The following TOP1MT variants were observed in gnomAD, a reference collection of about 807,000 sequenced individuals.
The protein encoded by TOP1MT is DNA topoisomerase I, mitochondrial.
Under a neutral mutation model 73.9 loss-of-function variants are expected in TOP1MT, and 80 were observed. The observed-to-expected ratio is 1.08, with a 90% confidence interval of 0.90 to 1.30. The LOEUF (loss-of-function observed/expected upper bound fraction) is 1.30, where lower values mean the gene tolerates loss of function less well. TOP1MT is among the 50% of genes most tolerant of loss of function. TOP1MT has a pLI of 0.00. For missense variants in TOP1MT, 815 were observed against 808.0 expected (o/e 1.01, Z -0.10); for synonymous variants, 338 against 326.4 (o/e 1.04, Z -0.38).
intron 7 of TOP1MT, among the ~76,000 whole-genome samples, chr8:143,323,387 A>C (rs1816589448): frequency 2.7e-5 from 3 of 112,490 alleles, no homozygotes; most frequent in Non-Finnish European, 3.6e-5. Flanking sequence ...GATGCATGCC[A>C]CACACACAGG....
At chr8:143,321,579 G>C (rs1394423486) in intron 7 of TOP1MT, among the ~76,000 whole-genome samples, 193 bp from the exon 8 acceptor site, 2,205 of 36,298 alleles carry the variant, frequency 0.061, 110 homozygotes, top group South Asian at 0.096. Flanking sequence ...ACGCCACACA[G>C]GCACGCCACA....
intron 12 of TOP1MT, among the ~76,000 whole-genome samples, chr8:143,315,179 C>T (rs1161401715): frequency 1.3e-5 from 2 of 152,178 alleles, no homozygotes; most frequent in African/African-American, 4.8e-5. Flanking sequence ...ATCAGTCAGG[C>T]TCGCCCGCAG....
intron 13 of TOP1MT, chr8:143,309,852 G>A: frequency 6.5e-7 from 1 of 1,536,180 alleles, no homozygotes; most frequent in Non-Finnish European, 8.7e-7. Flanking sequence ...CCAGGCCACT[G>A]TCAGCACCCC....
chr8:143,353,963 CAAAAAA>C (rs1186472770), intron 1 of TOP1MT, among the ~76,000 whole-genome samples: 1,267 of 47,608 alleles, frequency 0.027, 38 homozygotes, highest in African/African-American at 0.13. Context: ...GACTCCATCC[CAAAAAA>C]AAAAAAAAAA....
intron 7 of TOP1MT, among the ~76,000 whole-genome samples, chr8:143,321,643 A>G (rs1423919713): frequency 1.5e-5 from 1 of 64,714 alleles, no homozygotes; most frequent in East Asian, 8.0e-4. Flanking sequence ...CAGGCACGCC[A>G]CACACAGGCA....
chr8:143,352,062 A>G (rs1817329311), intron 1 of TOP1MT, among the ~76,000 whole-genome samples: 1 of 152,262 alleles, frequency 6.6e-6, no homozygotes, highest in African/African-American at 2.4e-5. Flanking sequence ...AGCCTGGGCA[A>G]CAAGAGTGAA....
At chr8:143,325,915 T>C (rs549837450) in intron 4 of TOP1MT, among the ~76,000 whole-genome samples, 1 of 152,288 alleles carries the variant, frequency 6.6e-6, no homozygotes, top group East Asian at 1.9e-4. Context: ...GGGAGACGCA[T>C]GGCACAGAAC....
chr8:143,317,919 C>T (rs2272634), intron 9 of TOP1MT, 82 bp from the exon 10 acceptor site: 713,718 of 1,587,706 alleles, frequency 0.45, 171,066 homozygotes, highest in East Asian at 0.7. Context: ...GACATGTCAG[C>T]CGTTGGGTCA....
At chr8:143,351,920 T>C (rs1202359835) in intron 1 of TOP1MT, among the ~76,000 whole-genome samples, 1 of 152,082 alleles carries the variant, frequency 6.6e-6, no homozygotes, top group Non-Finnish European at 1.5e-5. Flanking sequence ...CCCCTCTCTA[T>C]TAAAAATACA....
At chr8:143,338,357 C>T (rs544674204), upstream of TOP1MT, among the ~76,000 whole-genome samples, 1 of 152,114 alleles carries the variant, frequency 6.6e-6, no homozygotes, top group South Asian at 2.1e-4. Flanking sequence ...CACCTGAGGT[C>T]GGGAGTTCAG....
intron 4 of TOP1MT, 100 bp from the exon 5 acceptor site, chr8:143,325,633 A>G: frequency 8.9e-7 from 1 of 1,122,938 alleles, no homozygotes; most frequent in Non-Finnish European, 1.3e-6. Flanking sequence ...CTGTCTGGCT[A>G]ACTCAGCTGG....
chr8:143,330,308 G>T (rs893561062), intron 2 of TOP1MT, among the ~76,000 whole-genome samples: 1 of 152,186 alleles, frequency 6.6e-6, no homozygotes, highest in Admixed American at 6.5e-5. Context: ...TGTCCCTCCT[G>T]GCCAGGGAGG....
chr8:143,314,320 A>G (rs1015894967), intron 12 of TOP1MT, among the ~76,000 whole-genome samples: 1 of 152,176 alleles, frequency 6.6e-6, no homozygotes, highest in Non-Finnish European at 1.5e-5. Flanking sequence ...AAAGTTGGCC[A>G]GGTGCAGTGG....
chr8:143,314,518 C>A (rs113756029), intron 12 of TOP1MT, among the ~76,000 whole-genome samples: 1 of 146,174 alleles, frequency 6.8e-6, no homozygotes, highest in Non-Finnish European at 1.5e-5. Context: ...CACTTGAACC[C>A]GGGAGGCGGA....
At chr8:143,358,724 C>CCGCACGGTGCTTACTCCTG (rs1457017418), upstream of TOP1MT, 4 of 152,270 alleles carry the variant, frequency 2.6e-5, no homozygotes, top group Non-Finnish European at 5.9e-5. Context: ...GACCGTTCCA[C>CCGCACGGTGCTTACTCCTG]AGAGGTGAGC....
At chr8:143,331,415 T>C (rs1816852725) in intron 1 of TOP1MT, 76 bp from the exon 2 acceptor site, 2 of 1,275,388 alleles carry the variant, frequency 1.6e-6, no homozygotes, top group Non-Finnish European at 2.2e-6. Flanking sequence ...CCACAGTGGC[T>C]CCTCCCTGTG....
In TOP1MT at chr8:143,317,851, T is replaced by C. The variant is rs139312718; in HGVS notation, c.1216-14A>G. On this transcript the variant is annotated splice_polypyrimidine_tract_variant and intron_variant, in intron 9 of 13. Transcript: ENST00000329245. Reference sequence around the variant, plus strand: ...CAGGCTGGTCGTCTGGGGAGGAAAATGGTCTCTATAATTACGTGGTTTTGC... The same window carrying C: ...CAGGCTGGTCGTCTGGGGAGGAAAACGGTCTCTATAATTACGTGGTTTTGC... 6,583 of 1,613,492 alleles carry C rather than the reference T, an allele frequency of 4.1e-3. 25 individuals are homozygous for C. Among genetic ancestry groups the C allele is most frequent in the South Asian group, 6.6e-3 (597 of 91,054 alleles).
intron 11 of TOP1MT, 58 bp from the exon 12 acceptor site, chr8:143,315,879 CCCACACCCTT>C (rs1256594885): frequency 1.2e-6 from 2 of 1,604,070 alleles, no homozygotes; most frequent in East Asian, 2.2e-5. Context: ...AGCCCCTGTG[CCCACACCCTT>C]CCACACCCTA....
At chr8:143,332,321 G>A (rs780261892) in intron 1 of TOP1MT, among the ~76,000 whole-genome samples, 5 of 152,318 alleles carry the variant, frequency 3.3e-5, no homozygotes, top group South Asian at 2.1e-4. Flanking sequence ...GCAGGGCTGC[G>A]GGAAGAGCAA....
Sources: allele counts gnomAD v4.1 joint callset (sites outside exome capture counted in the v4.1 genomes callset), GRCh38; gene constraint gnomAD v4.1.1; transcripts MANE v1.5; gene names NCBI Gene and HGNC (gene_info 2026-07-23, HGNC 2026-07-21).